TP53BP1: variants seen among roughly 807,000 people sequenced by gnomAD.
The protein encoded by TP53BP1 is TP53-binding protein 1.
TP53BP1 carries 61 observed loss-of-function variants against 200.8 expected under a neutral mutation model. The observed-to-expected ratio is 0.30, with a 90% CI of 0.25 to 0.38. TP53BP1 has a LOEUF of 0.38. TP53BP1 is among the 10% of genes least tolerant of loss of function. The pLI, the probability that TP53BP1 is intolerant of heterozygous loss-of-function variation, is 1.00. For missense variants in TP53BP1, 2,144 were observed against 2,371.9 expected, an observed-to-expected ratio of 0.90 and a Z score of 2.00; for synonymous variants, 822 against 844.3, an observed-to-expected ratio of 0.97 and a Z score of 0.46.
intron 23 of TP53BP1, among the ~76,000 whole-genome samples, chr15:43,414,841 G>C (rs2045223764): frequency 6.6e-6 from 1 of 152,022 alleles, no homozygotes; most frequent in Non-Finnish European, 1.5e-5. Flanking sequence ...GAGAAGCTGG[G>C]ACTACAGGCA....
chr15:43,420,865 A>AG, intron 20 of TP53BP1, 130 bp from the exon 21 acceptor site: 1 of 1,283,596 alleles, frequency 7.8e-7, no homozygotes, highest in East Asian at 2.4e-5. Context: ...CACAGGCATG[A>AG]GCCTGGTCTC....
At chr15:43,421,560 T>C in intron 19 of TP53BP1, 1 of 513,052 alleles carries the variant, frequency 1.9e-6, no homozygotes, top group South Asian at 2.5e-5. Context: ...CTAAATCATA[T>C]AAAGGCTGTG....
intron 10 of TP53BP1, among the ~76,000 whole-genome samples, chr15:43,472,850 G>A (rs2046760162): frequency 6.6e-6 from 1 of 152,214 alleles, no homozygotes; most frequent in African/African-American, 2.4e-5. Context: ...ATGGGGGATG[G>A]TGTGTCCAGA....
At position 43,481,460 on chromosome 15, in the gene TP53BP1, TACACACAC is replaced by T. The variant is rs61433356; in HGVS notation, c.372-446_372-439del. Among the ~76,000 whole-genome samples the T allele has an allele frequency of 1.3e-3, 180 of 143,808 alleles. 1 individual carries two copies. Among genetic ancestry groups the T allele is most frequent in the African/African-American group, 2.1e-3 (83 of 38,902 alleles). 94.3% of individuals were successfully genotyped at this position (143,808 alleles called of 152,430 possible). A position where few individuals can be genotyped will look rare whatever the true frequency, so the allele number is the denominator to read the frequency against. On this transcript the variant is annotated intron_variant, in intron 4 of 27. Coordinates refer to ENST00000382044, the MANE Select transcript of TP53BP1 (RefSeq NM_001141980.3). ...TAAGGAGCTTATATATGTATATAAA[TACACACAC>T]ACACACACACACACACACACACACT...
rs2045385534 is a variant in TP53BP1, at chr15:43,421,076, G to A, written c.4199C>T (p.Pro1400Leu). 1 of 1,614,208 alleles carries A rather than the reference G, an allele frequency of 6.2e-7. No homozygotes were observed. The highest frequency in any genetic ancestry group is 1.1e-5 in the South Asian group (1 of 91,082). The stretch of plus-strand genomic sequence containing the variant: ...GCGGCCCCTTCGCCCACGCCCACGA[G>A]GCGTGACTGGAGCCTTCCCTCCCTG... ...IRQGGKAPVT[P>L]RGRGRRGRPP... The change falls in exon 20 of 28, where the codon CCT becomes CTT. Residue 1400 changes from proline (P) to leucine (L), a missense_variant. Pro to Leu is a moderately conservative substitution (Grantham distance 98). This residue lies in a region of TP53BP1 where 1,700 missense variants were observed against 1,710.3 expected (regional missense o/e 0.99). Coordinates refer to ENST00000382044, the MANE Select transcript of TP53BP1 (RefSeq NM_001141980.3).
At chr15:43,469,154 G>A (rs561863) in intron 11 of TP53BP1, among the ~76,000 whole-genome samples, 42,914 of 151,924 alleles carry the variant, frequency 0.28, 10,256 homozygotes, top group African/African-American at 0.65. Flanking sequence ...TTAGATTTAA[G>A]GATTTTCAAC....
At chr15:43,486,731 C>G (rs1262968765) in intron 4 of TP53BP1, among the ~76,000 whole-genome samples, 1 of 152,134 alleles carries the variant, frequency 6.6e-6, no homozygotes, top group Non-Finnish European at 1.5e-5. Context: ...TTAAGCGATC[C>G]TCCCACCTCA....
At chr15:43,455,400 T>A (rs372070338) in intron 12 of TP53BP1, among the ~76,000 whole-genome samples, 1 of 152,150 alleles carries the variant, frequency 6.6e-6, no homozygotes, top group Admixed American at 6.5e-5. Flanking sequence ...ATATCTTTAA[T>A]TGCACAAATA....
upstream of TP53BP1, chr15:43,497,632 A>G (rs911065658): frequency 2.8e-5 from 5 of 179,144 alleles, no homozygotes; most frequent in Non-Finnish European, 5.4e-5. Flanking sequence ...ACACAAAAGA[A>G]CAAATATTGT....
chr15:43,451,454 G>A (rs908947694), intron 12 of TP53BP1, among the ~76,000 whole-genome samples: 4 of 151,698 alleles, frequency 2.6e-5, no homozygotes, highest in Admixed American at 6.6e-5. Flanking sequence ...TTGTCCTTGC[G>A]ATAGTTTACT....
rs533572512 is a variant in TP53BP1, at chr15:43,466,661, A to G, written c.1389+3197T>C. On this transcript the variant is annotated intron_variant, in intron 11 of 27. Transcript: ENST00000382044. ...TGCTTGAGCCCAGTAGTTCAAGACC[A>G]GCCTGGGCAACATAGTGAGGTCCCA... is the stretch of plus-strand genomic sequence containing the variant. Among the ~76,000 whole-genome samples the G allele has an allele frequency of 5.9e-5, 9 of 152,308 alleles. No individual in the cohort carries two copies. The South Asian group carries it at 1.7e-3, about 28-fold the overall frequency.
rs1299777496 is a variant in TP53BP1 at position 43,415,772 on chromosome 15, G to A, written c.4911C>T (p.Asn1637=). 10 of 1,613,990 alleles carry A rather than the reference G, an allele frequency of 6.2e-6. No individual in the cohort carries two copies. Among genetic ancestry groups the A allele is most frequent in the Middle Eastern group, 1.6e-4 (1 of 6,084 alleles). The change falls in exon 23 of 28, where the codon AAC becomes AAT. Residue 1637 remains asparagine, a synonymous_variant. Coordinates refer to ENST00000382044, the MANE Select transcript of TP53BP1 (RefSeq NM_001141980.3). Reference sequence around the variant, plus strand: ...CAGTAGGGGTGGCTGGGGAGCTGACGTTACTGCGCCGTTTCCGCTTCCCTT... The same window carrying A: ...CAGTAGGGGTGGCTGGGGAGCTGACATTACTGCGCCGTTTCCGCTTCCCTT... The part of the protein sequence containing the change: ...LVEGKRKRRS[N]VSSPATPTAS...
In TP53BP1 at chr15:43,424,304, T is replaced by C. The variant is rs2045475961; in HGVS notation, c.3829-2178A>G. 3.3e-5 allele frequency among the ~76,000 whole-genome samples: 5 copies of C among 151,516 alleles called. No homozygotes were observed. In the South Asian group the frequency reaches 1.0e-3, roughly 31 times the overall value. On this transcript the variant is annotated intron_variant, in intron 18 of 27. Transcript: ENST00000382044. The stretch of plus-strand genomic sequence containing the variant: ...CCACTATTTGCCACTTTCTTAAAAC[T>C]ATCTTCACCCCTTCCCTAGTTGTTA...
At chr15:43,420,787 T>A in intron 20 of TP53BP1, 52 bp from the exon 21 acceptor site, 1 of 1,505,622 alleles carries the variant, frequency 6.6e-7, no homozygotes. Context: ...AACACAGAAG[T>A]ATATATCTAC....
In TP53BP1 at chr15:43,438,354, C is replaced by T. The variant is rs200776719; in HGVS notation, c.3161G>A (p.Arg1054Gln). 39 of 1,613,772 alleles carry T rather than the reference C, an allele frequency of 2.4e-5. No individual in the cohort carries two copies. Among genetic ancestry groups the T allele is most frequent in the African/African-American group, 5.3e-5 (4 of 74,982 alleles). The change falls in exon 16 of 28, where the codon CGA becomes CAA. Residue 1054 changes from arginine (R) to glutamine (Q), a missense_variant. Physicochemically the swap from Arg to Gln is conservative, Grantham distance 43. This residue lies in a region of TP53BP1 where 1,700 missense variants were observed against 1,710.3 expected (regional missense o/e 0.99). Transcript: ENST00000382044. ...ICEARQENEA[R>Q]SEDPPTTPIR... is the part of the protein sequence containing the mutation. ...GGGTGTGGTGGGGGGATCCTCACTT[C>T]GAGCCTCATTCTCTTGCCTGGCTTC... is the stretch of plus-strand genomic sequence containing the variant.
upstream of TP53BP1, chr15:43,497,507 C>A (rs1218549741): frequency 1.0e-6 from 1 of 960,976 alleles, no homozygotes; most frequent in Non-Finnish European, 1.2e-6. Flanking sequence ...TCTCAGCTTT[C>A]TTTCCAATTC....
intron 17 of TP53BP1, 110 bp from the exon 18 acceptor site, chr15:43,428,278 G>T: frequency 2.1e-6 from 2 of 936,862 alleles, no homozygotes; most frequent in Non-Finnish European, 3.2e-6. Context: ...AATCTAGTGT[G>T]ACAGAATCTT....
chr15:43,492,119 T>A (rs745472067), intron 2 of TP53BP1, 24 bp from the exon 3 acceptor site: 1 of 1,571,154 alleles, frequency 6.4e-7, no homozygotes. Context: ...ATACAAAATA[T>A]CCCCATTATA....
chr15:43,431,115 G>A (rs1019855452), intron 17 of TP53BP1, among the ~76,000 whole-genome samples: 1 of 152,034 alleles, frequency 6.6e-6, no homozygotes, highest in African/African-American at 2.4e-5. Context: ...GCTAGAAAAA[G>A]GGAGGATTCA....
Sources: allele counts gnomAD v4.1 joint callset (sites outside exome capture counted in the v4.1 genomes callset), GRCh38; gene constraint gnomAD v4.1.1; regional missense constraint gnomAD v4.1.1; transcripts MANE v1.5; gene names NCBI Gene and HGNC (gene_info 2026-07-23, HGNC 2026-07-21).